Variants in PCDHGA9 observed in about 807,000 individuals in gnomAD.
The protein encoded by PCDHGA9 is protocadherin gamma subfamily A, 9.
A neutral mutation model predicts 62.5 loss-of-function variants in PCDHGA9; 37 were observed. That is an observed-to-expected ratio of 0.59 (90% CI 0.46 to 0.78). The LOEUF (loss-of-function observed/expected upper bound fraction) is 0.78. Ranked by LOEUF, PCDHGA9 falls within the 30% of genes least tolerant of loss-of-function variation. PCDHGA9 has a pLI of 0.00. For synonymous variants in PCDHGA9, 459 were observed against 484.6 expected (o/e 0.95, Z 0.69); for missense variants, 1,138 against 1,166.2 (o/e 0.98, Z 0.35).
chr5:141,428,861 T>G (rs1435613271), intron 1 of PCDHGA9: 1 of 73,058 alleles, frequency 1.4e-5, no homozygotes, highest in Non-Finnish European at 2.5e-5. Flanking sequence ...TACGGGAGAC[T>G]TTTTTTTTTT....
chr5:141,494,251 G>C (rs961451413), intron 1 of PCDHGA9, among the ~76,000 whole-genome samples: 2 of 152,214 alleles, frequency 1.3e-5, no homozygotes, highest in African/African-American at 4.8e-5. Context: ...TTAGCTGTGG[G>C]AAGAGATTCT....
rs536930748 is a variant in PCDHGA9, at chr5:141,405,074, G to A, written c.2122G>A (p.Val708Ile). ...CGTCTCCTGTGTCTTCCTCACCTTC[G>A]TTATCACGCTGCTGGCCCTCAGGCT... ...AVVSCVFLTFVITLLALRLRH... is the reference protein window; with the variant it reads ...AVVSCVFLTFIITLLALRLRH... Residue 708 changes from valine (V) to isoleucine (I), a missense_variant, in exon 1 of 4, where the codon GTT (valine) becomes ATT (isoleucine). Coordinates refer to ENST00000573521, the MANE Select transcript of PCDHGA9 (RefSeq NM_018921.3). The A allele has an allele frequency of 4.3e-6, 7 of 1,613,794 alleles. No homozygotes were observed. The highest frequency in any genetic ancestry group is 5.1e-6 in the Non-Finnish European group (6 of 1,179,732).
At chr5:141,460,043 A>G (rs527752346) in intron 1 of PCDHGA9, among the ~76,000 whole-genome samples, 1 of 152,276 alleles carries the variant, frequency 6.6e-6, no homozygotes, top group South Asian at 2.1e-4. Context: ...GCACCACTGC[A>G]CTCCAGCCTG....
At chr5:141,437,529 C>T (rs1205365959) in intron 1 of PCDHGA9, among the ~76,000 whole-genome samples, 1 of 152,102 alleles carries the variant, frequency 6.6e-6, no homozygotes, top group African/African-American at 2.4e-5. Flanking sequence ...GACAAATGAG[C>T]AAATTGTATC....
At chr5:141,510,879 G>T in intron 3 of PCDHGA9, 68 bp from the exon 4 acceptor site, 1 of 1,611,520 alleles carries the variant, frequency 6.2e-7, no homozygotes, top group Non-Finnish European at 8.5e-7. Flanking sequence ...TAACTGCTGG[G>T]GATATAAGAC....
chr5:141,413,283 C>A lies in PCDHGA9; in HGVS notation c.2424+7907C>A, dbSNP rs377443382. On this transcript the variant is annotated intron_variant, in intron 1 of 3. Coordinates refer to ENST00000573521, the MANE Select transcript of PCDHGA9 (RefSeq NM_018921.3). ...GGGAGGCTGGAGCCCGGCAGATCTC[C>A]TACTCAATTCCTGAGGAATTAGAGA... The A allele has an allele frequency of 3.6e-5, 58 of 1,613,848 alleles. No individual in the cohort carries two copies. The African/African-American group carries it at 7.6e-4, about 21-fold the overall frequency.
chr5:141,475,938 G>T (rs756781296), intron 1 of PCDHGA9: 22 of 682,776 alleles, frequency 3.2e-5, no homozygotes, highest in African/African-American at 7.2e-5. Flanking sequence ...GCCCCTGCCC[G>T]TCCCCTTTCT....
chr5:141,488,846 C>T (rs1359759383), intron 1 of PCDHGA9, among the ~76,000 whole-genome samples: 1 of 152,174 alleles, frequency 6.6e-6, no homozygotes, highest in African/African-American at 2.4e-5. Flanking sequence ...GCTGAATCAA[C>T]CTGCAGCACG....
intron 1 of PCDHGA9, among the ~76,000 whole-genome samples, chr5:141,474,311 G>T (rs1374954373): frequency 1.3e-5 from 2 of 152,134 alleles, no homozygotes. Context: ...AAACTTTAAT[G>T]TGTTTTCAAA....
chr5:141,415,590 A>G lies in PCDHGA9; in HGVS notation c.2424+10214A>G, dbSNP rs201666137. On this transcript the variant is annotated intron_variant, in intron 1 of 3. Transcript: ENST00000573521. ...TGTTAGATGATTCGAAGTTTCCTAT[A>G]GAGGATACCCCATTGGTTCCAGTGA... 60 of 1,613,946 alleles carry G rather than the reference A, an allele frequency of 3.7e-5. 1 individual carries two copies. The African/African-American group carries it at 7.2e-4, about 19-fold the overall frequency.
chr5:141,423,131 A>C (rs370773437), intron 1 of PCDHGA9: 1 of 1,613,538 alleles, frequency 6.2e-7, no homozygotes. Flanking sequence ...GCACTGCTGG[A>C]CAGAGACGCG....
intron 1 of PCDHGA9, chr5:141,423,620 C>T: frequency 6.2e-7 from 1 of 1,608,268 alleles, no homozygotes; most frequent in Middle Eastern, 1.7e-4. Context: ...GCTGAAGACT[C>T]AGCTATCATT....
chr5:141,489,723 T>C lies in PCDHGA9; in HGVS notation c.2425-5084T>C, dbSNP rs900332220. ...CACTGGACAGTGCCCAGGATCCGGA[T>C]GTGGGCACCAATACTGTGAGCTTTT... On this transcript the variant is annotated intron_variant, in intron 1 of 3. Coordinates refer to ENST00000573521, the MANE Select transcript of PCDHGA9 (RefSeq NM_018921.3). This position sits in a 1 kb window ranked among gnomAD's most constrained non-coding sequence, Gnocchi z 4.5. 4.3e-6 allele frequency: 7 copies of C among 1,613,958 alleles called. No homozygotes were observed. The highest frequency in any genetic ancestry group is 5.9e-6 in the Non-Finnish European group (7 of 1,179,940).
rs571588941 is a variant in PCDHGA9, at chr5:141,428,181, A to T, written c.2424+22805A>T. The T allele has an allele frequency of 1.2e-4, 181 of 1,486,230 alleles. 2 individuals carry two copies. In the South Asian group the frequency reaches 2.0e-3, roughly 16 times the overall value. The allele number at this position is 1,486,230 out of a possible 1,614,324, so 92.1% of individuals were successfully genotyped here. A position where few individuals can be genotyped will look rare whatever the true frequency, so the allele number is the denominator to read the frequency against. ...CTGGTTGCTGTGCGTGACGGAGGAC[A>T]GCCGCCGCTCTCTGCGCCGCTACGC... On this transcript the variant is annotated intron_variant, in intron 1 of 3. Coordinates refer to ENST00000573521, the MANE Select transcript of PCDHGA9 (RefSeq NM_018921.3).
At chr5:141,474,156 A>C (rs1387216017) in intron 1 of PCDHGA9, among the ~76,000 whole-genome samples, 1 of 152,244 alleles carries the variant, frequency 6.6e-6, no homozygotes, top group East Asian at 1.9e-4. Flanking sequence ...CAAGAAAATG[A>C]CAGGCCTTAT....
At chr5:141,501,318 C>T (rs1273608837) in intron 2 of PCDHGA9, among the ~76,000 whole-genome samples, 1 of 151,766 alleles carries the variant, frequency 6.6e-6, no homozygotes, top group African/African-American at 2.4e-5. Flanking sequence ...CACACACACA[C>T]ACACACACAC....
intron 1 of PCDHGA9, among the ~76,000 whole-genome samples, chr5:141,481,153 A>G (rs1376488411): frequency 2.0e-5 from 3 of 152,224 alleles, no homozygotes; most frequent in Non-Finnish European, 4.4e-5. Context: ...TTATTCTGGT[A>G]TTTGCAGAAC....
At chr5:141,414,242 T>C (rs1412230684) in intron 1 of PCDHGA9, 1 of 1,613,538 alleles carries the variant, frequency 6.2e-7, no homozygotes, top group Admixed American at 1.7e-5. Flanking sequence ...ATCACGTCTC[T>C]ATTTAGTCCA....
chr5:141,490,061 A>G lies in PCDHGA9; in HGVS notation c.2425-4746A>G, dbSNP rs1562135413. On this transcript the variant is annotated intron_variant, in intron 1 of 3. Transcript: ENST00000573521. This position sits in a 1 kb window ranked among gnomAD's most constrained non-coding sequence, Gnocchi z 5.4. Reference sequence around the variant, plus strand: ...GCCACTGATCCAGACGAGGGCACCAACGGCCAACTAGACTATTCTTTTGGA... The same window carrying G: ...GCCACTGATCCAGACGAGGGCACCAGCGGCCAACTAGACTATTCTTTTGGA... 1.2e-6 allele frequency: 2 copies of G among 1,614,214 alleles called. No individual in the cohort carries two copies. Among genetic ancestry groups the G allele is most frequent in the East Asian group, 2.2e-5 (1 of 44,884 alleles).
Sources: gnomAD v4.1 joint callset for allele counts (sites outside exome capture counted in the v4.1 genomes callset) on GRCh38, gnomAD v4.1.1 for gene constraint, Gnocchi (gnomAD v3.1) non-coding constraint, MANE v1.5 for transcripts, NCBI Gene and HGNC (gene_info 2026-07-23, HGNC 2026-07-21) for gene names.